Variants in THSD7A observed in about 807,000 individuals in gnomAD.
The protein encoded by THSD7A is thrombospondin type-1 domain-containing protein 7A.
THSD7A carries 96 observed loss-of-function variants against 231.3 expected under a neutral mutation model. The observed-to-expected ratio is 0.41, with a 90% CI of 0.35 to 0.49. THSD7A has a LOEUF of 0.49. Among genes scored for constraint, THSD7A ranks in the 20% least tolerant of loss-of-function variants. THSD7A has a pLI of 0.05. For missense variants in THSD7A, 2,290 were observed against 2,070.2 expected, an observed-to-expected ratio of 1.11 and a Z score of -2.06; for synonymous variants, 940 against 743.3, an observed-to-expected ratio of 1.26 and a Z score of -4.30.
intron 11 of THSD7A, among the ~76,000 whole-genome samples, chr7:11,458,905 G>T (rs953748150): frequency 6.6e-6 from 1 of 152,132 alleles, no homozygotes; most frequent in African/African-American, 2.4e-5. Context: ...AGAAATTAAC[G>T]TTTAATGAAG....
Position 11,391,772 on chromosome 7 carries a change from C to T in THSD7A, c.4412-9156G>A, listed in dbSNP as rs546317930. On this transcript the variant is annotated intron_variant, in intron 23 of 27. Coordinates refer to ENST00000423059, the MANE Select transcript of THSD7A (RefSeq NM_015204.3). ...GCACCAGAGGGAATCTCTTGGTCTGCGGGTTGCAAAGACTGCGATGTATCT... is the reference window on the plus strand; with the variant it reads ...GCACCAGAGGGAATCTCTTGGTCTGTGGGTTGCAAAGACTGCGATGTATCT... 1.1e-4 allele frequency among the ~76,000 whole-genome samples: 17 copies of T among 152,244 alleles called. No homozygotes were observed. In the East Asian group the frequency reaches 1.2e-3, roughly 10 times the overall value.
chr7:11,726,317 G>A (rs1239783749), intron 1 of THSD7A, among the ~76,000 whole-genome samples: 1 of 151,316 alleles, frequency 6.6e-6, no homozygotes, highest in Non-Finnish European at 1.5e-5. Context: ...AATCCATCAC[G>A]CCTCACCTCA....
At chr7:11,646,738 A>G (rs1458411200) in intron 1 of THSD7A, among the ~76,000 whole-genome samples, 1 of 152,044 alleles carries the variant, frequency 6.6e-6, no homozygotes, top group African/African-American at 2.4e-5. Context: ...ACTCTATCTC[A>G]GGGAACTTTG....
intron 8 of THSD7A, among the ~76,000 whole-genome samples, chr7:11,473,872 G>T (rs1253475154): frequency 6.6e-6 from 1 of 152,074 alleles, no homozygotes; most frequent in Non-Finnish European, 1.5e-5. Context: ...GTATGCTTCG[G>T]TATTTTTGAT....
chr7:11,681,836 A>G (rs1342551892), intron 1 of THSD7A, among the ~76,000 whole-genome samples: 1 of 152,160 alleles, frequency 6.6e-6, no homozygotes, highest in East Asian at 1.9e-4. Context: ...AATGAAAAAA[A>G]AAACCTGAAA....
intron 4 of THSD7A, among the ~76,000 whole-genome samples, chr7:11,561,367 C>T (rs953895450): frequency 2.0e-5 from 3 of 152,116 alleles, no homozygotes; most frequent in Non-Finnish European, 4.4e-5. Context: ...GAAAATTATT[C>T]TGACTTCTGT....
At chr7:11,773,865 GA>G (rs1348577371) in intron 1 of THSD7A, among the ~76,000 whole-genome samples, 2 of 151,872 alleles carry the variant, frequency 1.3e-5, no homozygotes, top group Non-Finnish European at 2.9e-5. Context: ...TTAACAATAA[GA>G]AAAAACAATC....
intron 4 of THSD7A, among the ~76,000 whole-genome samples, chr7:11,572,628 C>T (rs1790690343): frequency 6.6e-6 from 1 of 152,112 alleles, no homozygotes; most frequent in African/African-American, 2.4e-5. Flanking sequence ...CCACCTCAGC[C>T]TCCTGAATAC....
chr7:11,520,388 TTAAA>T (rs1403791501), intron 6 of THSD7A, among the ~76,000 whole-genome samples: 3 of 152,314 alleles, frequency 2.0e-5, no homozygotes, highest in Non-Finnish European at 4.4e-5. Context: ...TAATATTGGC[TTAAA>T]TAAATAGAAG....
At chr7:11,534,186 T>C (rs1438250893) in intron 6 of THSD7A, among the ~76,000 whole-genome samples, 4 of 152,122 alleles carry the variant, frequency 2.6e-5, no homozygotes, top group South Asian at 4.1e-4. Context: ...TGTGAGAGGA[T>C]TGAAAATAAT....
chr7:11,722,396 A>T (rs987200480), intron 1 of THSD7A, among the ~76,000 whole-genome samples: 2 of 151,860 alleles, frequency 1.3e-5, no homozygotes, highest in Non-Finnish European at 2.9e-5. Context: ...GCTCCTATGG[A>T]TAACATCAGT....
At chr7:11,460,036 T>A (rs943900486) in intron 11 of THSD7A, among the ~76,000 whole-genome samples, 8 of 152,144 alleles carry the variant, frequency 5.3e-5, no homozygotes, top group African/African-American at 1.9e-4. Flanking sequence ...AGTTTCTATA[T>A]TCCCTATAAT....
intron 2 of THSD7A, among the ~76,000 whole-genome samples, chr7:11,604,125 T>G (rs1374504492): frequency 6.6e-6 from 1 of 152,178 alleles, no homozygotes; most frequent in Non-Finnish European, 1.5e-5. Context: ...CCAGACACTG[T>G]TCTAATGTTT....
intron 6 of THSD7A, among the ~76,000 whole-genome samples, chr7:11,522,652 G>A (rs1286010361): frequency 1.3e-5 from 2 of 152,050 alleles, no homozygotes; most frequent in South Asian, 2.1e-4. Flanking sequence ...TCAGTTTAAT[G>A]CTAATTATTG....
chr7:11,717,775 G>A (rs1382420430), intron 1 of THSD7A, among the ~76,000 whole-genome samples: 1 of 151,564 alleles, frequency 6.6e-6, no homozygotes, highest in African/African-American at 2.4e-5. Context: ...AAGTAGATAT[G>A]AAGTATTATT....
rs1290075461 is a variant in THSD7A at position 11,372,857 on chromosome 7, AAAAT to A, written c.*2933_*2936del. The A allele has an allele frequency of 1.3e-5, 2 of 152,066 alleles. No individual in the cohort carries two copies. The highest frequency in any genetic ancestry group is 2.9e-5 in the Non-Finnish European group (2 of 67,982). The allele number at this position is 152,066 out of a possible 1,614,324, so 9.4% of individuals were successfully genotyped here. On this transcript the variant is annotated 3_prime_UTR_variant, in exon 28 of 28. Transcript: ENST00000423059. ...TCATTATTGTCTCATGTCAGAAACAAAAATAAGGCCATTTTCATGTTATAAACAT... is the reference window on the plus strand; with the variant it reads ...TCATTATTGTCTCATGTCAGAAACAAAAGGCCATTTTCATGTTATAAACAT...
chr7:11,439,124 G>C (rs1225996642), intron 13 of THSD7A, among the ~76,000 whole-genome samples: 5 of 151,798 alleles, frequency 3.3e-5, no homozygotes, highest in African/African-American at 9.7e-5. Flanking sequence ...ATTTTCAAAG[G>C]ACAAATCTGA....
intron 1 of THSD7A, among the ~76,000 whole-genome samples, chr7:11,722,494 A>G (rs1043948966): frequency 6.6e-6 from 1 of 151,850 alleles, no homozygotes; most frequent in African/African-American, 2.4e-5. Flanking sequence ...CACATGACTC[A>G]TGACTCAACT....
chr7:11,570,023 T>C (rs1442825935), intron 4 of THSD7A, among the ~76,000 whole-genome samples: 1 of 151,894 alleles, frequency 6.6e-6, no homozygotes, highest in East Asian at 1.9e-4. Flanking sequence ...AGTACAAAAA[T>C]TAACTAGGCA....
Sources: allele counts gnomAD v4.1 joint callset (sites outside exome capture counted in the v4.1 genomes callset), GRCh38; gene constraint gnomAD v4.1.1; transcripts MANE v1.5; gene names NCBI Gene and HGNC (gene_info 2026-07-23, HGNC 2026-07-21).